KHDRBS3: variants seen among roughly 807,000 people sequenced by gnomAD.
KHDRBS3 encodes KH RNA binding domain containing, signal transduction associated 3.
KHDRBS3 carries 23 observed loss-of-function variants against 45.6 expected under a neutral mutation model. The observed-to-expected ratio is 0.50, with a 90% CI of 0.36 to 0.72. The LOEUF (loss-of-function observed/expected upper bound fraction) is 0.72. Ranked by LOEUF, KHDRBS3 falls within the 30% of genes least tolerant of loss-of-function variation. The pLI, the probability that KHDRBS3 is intolerant of heterozygous loss-of-function variation, is 0.00. For missense variants in KHDRBS3, 352 were observed against 424.8 expected (o/e 0.83, Z 1.51); for synonymous variants, 162 against 156.5 (o/e 1.04, Z -0.26).
intron 6 of KHDRBS3, among the ~76,000 whole-genome samples, chr8:135,590,892 G>C (rs2130961298): frequency 6.6e-6 from 1 of 152,310 alleles, no homozygotes; most frequent in East Asian, 1.9e-4. Flanking sequence ...TCTCAATGTT[G>C]TGTAATCAAT....
At chr8:135,563,297 C>T (rs1014140382) in intron 5 of KHDRBS3, among the ~76,000 whole-genome samples, 5 of 152,176 alleles carry the variant, frequency 3.3e-5, no homozygotes, top group Non-Finnish European at 5.9e-5. Flanking sequence ...CTTAAATAGA[C>T]GAAGCTCATT....
intron 1 of KHDRBS3, among the ~76,000 whole-genome samples, chr8:135,495,284 A>T (rs1263787221): frequency 6.6e-6 from 1 of 152,098 alleles, no homozygotes; most frequent in Non-Finnish European, 1.5e-5. Context: ...TGTTTTTGTG[A>T]CCGTAACTCT....
chr8:135,587,115 C>G lies in KHDRBS3; in HGVS notation c.807+5042C>G, dbSNP rs950484341. 2.0e-5 allele frequency among the ~76,000 whole-genome samples: 3 copies of G among 152,256 alleles called. No individual in the cohort carries two copies. The East Asian group carries it at 5.8e-4, about 29-fold the overall frequency. On this transcript the variant is annotated intron_variant, in intron 6 of 8. Transcript: ENST00000355849. The stretch of plus-strand genomic sequence containing the variant: ...GCCAAAGTGAGAAAACTTGACAATT[C>G]TCAGGTATTTCCTTGTAAAATGTGC...
chr8:135,523,566 C>T (rs970154734), intron 2 of KHDRBS3, among the ~76,000 whole-genome samples: 1 of 152,114 alleles, frequency 6.6e-6, no homozygotes, highest in Non-Finnish European at 1.5e-5. Flanking sequence ...TAGTTTACTT[C>T]TCCCTTTCCA....
At chr8:135,618,346 A>C (rs1248841772) in intron 7 of KHDRBS3, among the ~76,000 whole-genome samples, 1 of 152,204 alleles carries the variant, frequency 6.6e-6, no homozygotes, top group African/African-American at 2.4e-5. Flanking sequence ...GATAGATAGT[A>C]ATATAATTAA....
intron 7 of KHDRBS3, among the ~76,000 whole-genome samples, chr8:135,614,212 G>A (rs1044103752): frequency 4.0e-5 from 6 of 151,790 alleles, no homozygotes; most frequent in South Asian, 2.1e-4. Flanking sequence ...ATACACATTG[G>A]CTCAAAAATA....
intron 1 of KHDRBS3, among the ~76,000 whole-genome samples, chr8:135,471,691 T>C (rs1822022987): frequency 6.6e-6 from 1 of 152,210 alleles, no homozygotes; most frequent in African/African-American, 2.4e-5. Flanking sequence ...GTGATGGAAC[T>C]AATGCAAGTT....
At chr8:135,584,420 C>T (rs1007769456) in intron 6 of KHDRBS3, among the ~76,000 whole-genome samples, 6 of 152,206 alleles carry the variant, frequency 3.9e-5, no homozygotes, top group Admixed American at 3.9e-4. Flanking sequence ...CATGAGTGCA[C>T]CTCCTTCCCC....
intron 1 of KHDRBS3, among the ~76,000 whole-genome samples, chr8:135,475,235 A>G (rs1586569839): frequency 1.3e-5 from 2 of 152,286 alleles, no homozygotes; most frequent in African/African-American, 2.4e-5. Context: ...TAGGGGAGCC[A>G]TTATTCTGCC....
At position 135,617,547 on chromosome 8, in the gene KHDRBS3, G is replaced by A. The variant is rs532343603; in HGVS notation, c.890+10510G>A. 1.1e-3 allele frequency among the ~76,000 whole-genome samples: 173 copies of A among 152,160 alleles called. 2 individuals carry two copies. Among genetic ancestry groups the A allele is most frequent in the Non-Finnish European group, 2.3e-3 (154 of 68,018 alleles). On this transcript the variant is annotated intron_variant, in intron 7 of 8. Transcript: ENST00000355849. ...CCTGCCTCAGCCTCCCAAAGTTCTG[G>A]GATTATAGGCGTGAGCCACCACACC...
intron 5 of KHDRBS3, among the ~76,000 whole-genome samples, chr8:135,570,139 A>G (rs899220288): frequency 2.0e-5 from 3 of 152,180 alleles, no homozygotes; most frequent in African/African-American, 7.2e-5. Flanking sequence ...TCTTTTATGC[A>G]TACACATTTT....
intron 6 of KHDRBS3, among the ~76,000 whole-genome samples, chr8:135,589,086 T>C (rs569577673): frequency 1.1e-4 from 17 of 152,322 alleles, no homozygotes; most frequent in African/African-American, 3.6e-4. Context: ...TATGATGCTA[T>C]TTTTGTGCAC....
At chr8:135,489,626 C>T (rs997885242) in intron 1 of KHDRBS3, among the ~76,000 whole-genome samples, 4 of 151,986 alleles carry the variant, frequency 2.6e-5, no homozygotes, top group African/African-American at 9.7e-5. Flanking sequence ...TGCAGTGACC[C>T]GAGATTGCGC....
intron 7 of KHDRBS3, among the ~76,000 whole-genome samples, chr8:135,636,601 G>A (rs537895603): frequency 6.6e-6 from 1 of 152,312 alleles, no homozygotes; most frequent in South Asian, 2.1e-4. Flanking sequence ...TAACACTGTG[G>A]GAGAGGTGGG....
Position 135,645,051 on chromosome 8 carries a change from A to G in KHDRBS3, c.891-8A>G, listed in dbSNP as rs200610883. ...TTTTGTCCTTTGTTTTGTTTTGATC[A>G]CTTGCAGTGGTGCTGATTACTATGA... On this transcript the variant is annotated splice_region_variant and splice_polypyrimidine_tract_variant and intron_variant, in intron 7 of 8. Coordinates refer to ENST00000355849, the MANE Select transcript of KHDRBS3 (RefSeq NM_006558.3). 1.6e-4 allele frequency: 264 copies of G among 1,612,402 alleles called. No individual in the cohort carries two copies. The highest frequency in any genetic ancestry group is 2.1e-4 in the Non-Finnish European group (249 of 1,179,760).
At chr8:135,626,156 T>C (rs1054985376) in intron 7 of KHDRBS3, among the ~76,000 whole-genome samples, 11 of 152,244 alleles carry the variant, frequency 7.2e-5, no homozygotes, top group Admixed American at 2.0e-4. Flanking sequence ...CATATATGTA[T>C]ATAACACATT....
At chr8:135,618,712 G>A (rs1830017432) in intron 7 of KHDRBS3, among the ~76,000 whole-genome samples, 1 of 152,148 alleles carries the variant, frequency 6.6e-6, no homozygotes, top group African/African-American at 2.4e-5. Flanking sequence ...AAACAAGATA[G>A]AGTGAAAATA....
chr8:135,630,970 C>T (rs988871411), intron 7 of KHDRBS3, among the ~76,000 whole-genome samples: 4 of 151,964 alleles, frequency 2.6e-5, no homozygotes, highest in South Asian at 2.1e-4. Context: ...GTTTTTCGGC[C>T]GGGCGCGGTG....
At chr8:135,462,033 C>T (rs894500376) in intron 1 of KHDRBS3, among the ~76,000 whole-genome samples, 1 of 152,034 alleles carries the variant, frequency 6.6e-6, no homozygotes, top group Non-Finnish European at 1.5e-5. Context: ...GGGCTTAAAA[C>T]TTGATTTTTG....
Sources: gnomAD v4.1 joint callset for allele counts (sites outside exome capture counted in the v4.1 genomes callset) on GRCh38, gnomAD v4.1.1 for gene constraint, MANE v1.5 for transcripts, NCBI Gene and HGNC (gene_info 2026-07-23, HGNC 2026-07-21) for gene names.